The following OTUD7A variants were observed in gnomAD, a reference collection of about 807,000 sequenced individuals.
The protein encoded by OTUD7A is OTU domain-containing protein 7A.
In OTUD7A, 12 loss-of-function variants were observed where a neutral mutation model predicts 65.7. The observed-to-expected ratio is 0.18, with a 90% CI of 0.12 to 0.30. The LOEUF (loss-of-function observed/expected upper bound fraction) is 0.30. Among genes scored for constraint, OTUD7A ranks in the 10% least tolerant of loss-of-function variants. The pLI is 1.00. For missense variants in OTUD7A, 1,148 were observed against 1,304.8 expected (o/e 0.88, Z 1.85); for synonymous variants, 641 against 586.3 (o/e 1.09, Z -1.35).
Position 31,649,838 on chromosome 15 carries a change from G to A in OTUD7A, c.151+5258C>T, listed in dbSNP as rs563453951. ...GATCACAGTTGGAGGTGCTGATGCA[G>A]AAAGGAGACCACAGTTGGAAGTGCC... On this transcript the variant is annotated intron_variant, in intron 3 of 12. Coordinates refer to ENST00000307050, the MANE Select transcript of OTUD7A (RefSeq NM_001382637.1). 27 of 384,876 alleles carry A rather than the reference G, an allele frequency of 7.0e-5. No homozygotes were observed. In the East Asian group the frequency reaches 2.0e-3, roughly 28 times the overall value. 23.8% of individuals were successfully genotyped at this position (384,876 alleles called of 1,614,324 possible).
chr15:31,832,341 C>G (rs1896953875), intron 1 of OTUD7A, among the ~76,000 whole-genome samples: 2 of 152,186 alleles, frequency 1.3e-5, no homozygotes, highest in South Asian at 4.1e-4. Flanking sequence ...ACAGGCCCAT[C>G]ACAACACTAC....
At chr15:31,623,083 T>C (rs1223595319) in intron 3 of OTUD7A, among the ~76,000 whole-genome samples, 4 of 152,352 alleles carry the variant, frequency 2.6e-5, no homozygotes, top group Non-Finnish European at 5.9e-5. Flanking sequence ...ACAGCGAATA[T>C]TGCTGAACAG....
chr15:31,489,202 T>C (rs2041282925), intron 10 of OTUD7A, among the ~76,000 whole-genome samples: 1 of 152,202 alleles, frequency 6.6e-6, no homozygotes, highest in South Asian at 2.1e-4. Context: ...ATCCACAATG[T>C]TTCCCAGAAT....
chr15:31,740,908 T>C (rs543064191), intron 1 of OTUD7A, among the ~76,000 whole-genome samples: 2 of 152,192 alleles, frequency 1.3e-5, no homozygotes, highest in Admixed American at 6.5e-5. Flanking sequence ...ACAGACAGAA[T>C]AGACTTTTAG....
intron 3 of OTUD7A, among the ~76,000 whole-genome samples, chr15:31,610,920 T>C (rs1406997112): frequency 4.0e-5 from 6 of 151,804 alleles, no homozygotes; most frequent in African/African-American, 9.7e-5. Context: ...TGAGCCACCA[T>C]GCCCGGCCAG....
chr15:31,817,284 C>G (rs1442206128), intron 1 of OTUD7A, among the ~76,000 whole-genome samples: 1 of 150,220 alleles, frequency 6.7e-6, no homozygotes, highest in Non-Finnish European at 1.5e-5. Context: ...TGCCCCCCCC[C>G]ATCACTCATG....
intron 1 of OTUD7A, among the ~76,000 whole-genome samples, chr15:31,827,057 C>T (rs1291621879): frequency 1.3e-5 from 2 of 152,232 alleles, no homozygotes; most frequent in African/African-American, 4.8e-5. Context: ...ACTGTTCCAA[C>T]CCCTGCCTGT....
At chr15:31,736,757 T>C (rs1894203773) in intron 1 of OTUD7A, among the ~76,000 whole-genome samples, 1 of 150,066 alleles carries the variant, frequency 6.7e-6, no homozygotes, top group Non-Finnish European at 1.5e-5. Flanking sequence ...GTAAAAATAT[T>C]AAAAGAAAAT....
intron 4 of OTUD7A, among the ~76,000 whole-genome samples, chr15:31,567,364 C>A (rs1431273994): frequency 2.0e-5 from 3 of 152,188 alleles, no homozygotes; most frequent in African/African-American, 2.4e-5. Context: ...AATTTATAAG[C>A]AGCAAAGTAT....
At chr15:31,657,836 G>A (rs867442518) in intron 1 of OTUD7A, among the ~76,000 whole-genome samples, 9 of 152,112 alleles carry the variant, frequency 5.9e-5, no homozygotes, top group African/African-American at 2.2e-4. Context: ...CTCTCAACCT[G>A]CCTTGTGTGG....
chr15:31,726,062 T>C (rs1053723923), intron 1 of OTUD7A, among the ~76,000 whole-genome samples: 4 of 152,092 alleles, frequency 2.6e-5, no homozygotes. Context: ...GAGTTTTTTT[T>C]TTTTTTTGGT....
rs568113620 is a variant in OTUD7A, at chr15:31,509,301, C to T, written c.894-5483G>A. Among the ~76,000 whole-genome samples the T allele has an allele frequency of 1.3e-4, 19 of 150,748 alleles. No individual in the cohort carries two copies. In the East Asian group the frequency reaches 2.3e-3, roughly 18 times the overall value. On this transcript the variant is annotated intron_variant, in intron 8 of 12. Transcript: ENST00000307050. ...TTGTTTAAACTTTTTTTTTTGGAGA[C>T]GGAGTCTTGCTCTGTTGCCCAGGCT...
At chr15:31,852,280 C>A (rs1007006174) in intron 1 of OTUD7A, among the ~76,000 whole-genome samples, 1 of 152,170 alleles carries the variant, frequency 6.6e-6, no homozygotes, top group Non-Finnish European at 1.5e-5. Flanking sequence ...GAAGGAAGTG[C>A]CCACAGGACA....
intron 3 of OTUD7A, among the ~76,000 whole-genome samples, chr15:31,634,835 C>G (rs1251872775): frequency 6.6e-6 from 1 of 152,190 alleles, no homozygotes; most frequent in Non-Finnish European, 1.5e-5. Flanking sequence ...TTCTATCGGG[C>G]TCTGACTGAA....
At chr15:31,833,324 C>T (rs888684627) in intron 1 of OTUD7A, among the ~76,000 whole-genome samples, 16 of 152,194 alleles carry the variant, frequency 1.1e-4, no homozygotes, top group Admixed American at 7.9e-4. Context: ...CATTTGCCCA[C>T]GAGGTTTGGC....
chr15:31,489,914 C>A (rs2041293452), intron 10 of OTUD7A, among the ~76,000 whole-genome samples: 1 of 152,264 alleles, frequency 6.6e-6, no homozygotes. Flanking sequence ...AAGGGTCCAG[C>A]AGCCTTGCGG....
intron 1 of OTUD7A, among the ~76,000 whole-genome samples, chr15:31,735,560 A>C (rs1037982617): frequency 2.6e-5 from 4 of 152,184 alleles, no homozygotes; most frequent in Admixed American, 6.5e-5. Flanking sequence ...TCAAAAAATA[A>C]CAGATGTTGG....
intron 5 of OTUD7A, among the ~76,000 whole-genome samples, chr15:31,549,571 C>T (rs1267675737): frequency 2.0e-5 from 3 of 152,094 alleles, no homozygotes; most frequent in Non-Finnish European, 2.9e-5. Context: ...GGAGATTATC[C>T]TGGGTTGGCC....
intron 3 of OTUD7A, among the ~76,000 whole-genome samples, chr15:31,618,074 C>T (rs1476699753): frequency 1.3e-5 from 2 of 152,122 alleles, no homozygotes; most frequent in African/African-American, 2.4e-5. Context: ...TGATGGTTTC[C>T]AGTTTCATCC....
Sources: allele counts gnomAD v4.1 joint callset (sites outside exome capture counted in the v4.1 genomes callset), GRCh38; gene constraint gnomAD v4.1.1; transcripts MANE v1.5; gene names NCBI Gene and HGNC (gene_info 2026-07-23, HGNC 2026-07-21).